TSFM: variants seen among roughly 807,000 people sequenced by gnomAD.
TSFM encodes Ts translation elongation factor, mitochondrial.
In TSFM, 29 loss-of-function variants were observed where a neutral mutation model predicts 33.4. The ratio of observed to expected loss-of-function variants is 0.87; its 90% CI spans 0.65 to 1.18. The LOEUF is 1.18. Ranked by LOEUF, TSFM falls within the 50% of genes most tolerant of loss-of-function variation. TSFM has a pLI of 0.00. For synonymous variants in TSFM, 178 were observed against 163.5 expected (o/e 1.09, Z -0.68); for missense variants, 394 against 395.6 (o/e 1.00, Z 0.04).
downstream of TSFM, chr12:57,801,094 G>A: frequency 1.3e-6 from 2 of 1,491,016 alleles, no homozygotes; most frequent in Non-Finnish European, 1.9e-6. Context: ...GTGTTCTCTG[G>A]CTCTGGTTGC....
In TSFM at chr12:57,796,313, C is replaced by T. The variant is rs2140428965; in HGVS notation, c.708C>T (p.Ala236=). ...AGCTGGTGCTGGGGAAGTATGGGGCCCTGGTCATCTGTGAGACGTCTGAAC... is the reference window on the plus strand; with the variant it reads ...AGCTGGTGCTGGGGAAGTATGGGGCTCTGGTCATCTGTGAGACGTCTGAAC... The part of the protein sequence containing the change: ...LHKLVLGKYG[A]LVICETSEQK... The change falls in exon 6 of 6, where the codon GCC becomes GCT. Residue 236 remains alanine, a synonymous_variant. Transcript: ENST00000652027. 1 of 1,611,564 alleles carries T rather than the reference C, an allele frequency of 6.2e-7. No homozygotes were observed. The highest frequency in any genetic ancestry group is 1.1e-5 in the South Asian group (1 of 90,658).
chr12:57,786,919 T>C (rs1955598202), intron 3 of TSFM, 121 bp from the exon 4 acceptor site: 1 of 1,106,422 alleles, frequency 9.0e-7, no homozygotes, highest in African/African-American at 1.6e-5. Context: ...TTTGGAGTCA[T>C]TTTTTTTCCG....
intron 2 of TSFM, 96 bp from the exon 3 acceptor site, chr12:57,786,058 TGTTAGAGAA>T: frequency 1.5e-6 from 2 of 1,340,868 alleles, no homozygotes; most frequent in Non-Finnish European, 2.0e-6. Flanking sequence ...CTTTAGTTTC[TGTTAGAGAA>T]TTTAGAGAAT....
Position 57,796,501 on chromosome 12 carries a change from A to G in TSFM, c.896A>G (p.Tyr299Cys), listed in dbSNP as rs752297826. 1 of 1,554,924 alleles carries G rather than the reference A, an allele frequency of 6.4e-7. No homozygotes were observed. Among genetic ancestry groups the G allele is most frequent in the East Asian group, 2.3e-5 (1 of 44,314 alleles). ...GATCCCTCCATTACCTTGGGGCAGT[A>G]TGTGCAGCCTCAGGGGGTGTCGGTA... ...LLDPSITLGQ[Y>C]VQPQGVSVVD... The change falls in exon 6 of 6, where the codon TAT (tyrosine) becomes TGT (cysteine). Residue 299 changes from tyrosine to cysteine, a missense_variant. By Grantham distance (194) the Tyr-to-Cys change is radical. Transcript: ENST00000652027.
At chr12:57,793,201 G>GT (rs1431028309) in intron 5 of TSFM, 128 bp downstream of exon 5, 1 of 757,710 alleles carries the variant, frequency 1.3e-6, no homozygotes, top group East Asian at 2.8e-5. Flanking sequence ...GAGAAGTGGT[G>GT]TGTGTGTTAG....
chr12:57,787,620 G>C (rs1955607487), intron 4 of TSFM, among the ~76,000 whole-genome samples: 1 of 152,120 alleles, frequency 6.6e-6, no homozygotes, highest in South Asian at 2.1e-4. Flanking sequence ...ATGGTCTTAG[G>C]AAAGAATTTC....
intron 4 of TSFM, among the ~76,000 whole-genome samples, chr12:57,790,504 T>C (rs1466875887): frequency 2.0e-5 from 3 of 152,224 alleles, no homozygotes; most frequent in Admixed American, 2.0e-4. Flanking sequence ...TATGTACTCA[T>C]ATGTACTAAG....
chr12:57,788,161 CAT>C (rs1185252364), intron 4 of TSFM, among the ~76,000 whole-genome samples: 8 of 151,860 alleles, frequency 5.3e-5, no homozygotes, highest in African/African-American at 1.9e-4. Context: ...ATTACATAGT[CAT>C]ATGGAAAACA....
At chr12:57,785,463 A>C (rs891872792) in intron 2 of TSFM, among the ~76,000 whole-genome samples, 3 of 151,640 alleles carry the variant, frequency 2.0e-5, no homozygotes, top group African/African-American at 7.3e-5. Context: ...TTACTGTTAA[A>C]TTTTTTTATT....
At chr12:57,794,732 A>G (rs751923743) in intron 5 of TSFM, among the ~76,000 whole-genome samples, 6 of 152,188 alleles carry the variant, frequency 3.9e-5, no homozygotes, top group Non-Finnish European at 8.8e-5. Flanking sequence ...TTTGAGTGCT[A>G]TGTGCCAGAT....
chr12:57,787,222 G>A, intron 4 of TSFM, 60 bp downstream of exon 4: 1 of 1,482,314 alleles, frequency 6.7e-7, no homozygotes. Context: ...GTCTTTTGCT[G>A]TTCCTATTGT....
chr12:57,786,275 C>T lies in TSFM; in HGVS notation c.344C>T (p.Thr115Ile), dbSNP rs1565821286. 1 of 1,612,138 alleles carries T rather than the reference C, an allele frequency of 6.2e-7. No homozygotes were observed. Among genetic ancestry groups the T allele is most frequent in the Non-Finnish European group, 8.5e-7 (1 of 1,178,940 alleles). Residue 115 changes from threonine to isoleucine, a missense_variant, in exon 3 of 6, where the codon ACA becomes ATA. Around this residue, in one of 3 missense-constraint regions of TSFM, gnomAD observed 208 missense variants for 180.4 expected, o/e 1.15. Transcript: ENST00000652027. Reference sequence around the variant, plus strand: ...ATTGGGCTGTTGCAGGAAGGAAACACAACTGTATTAGTAGAGGTGAGTTGT... The same window carrying T: ...ATTGGGCTGTTGCAGGAAGGAAACATAACTGTATTAGTAGAGGTGAGTTGT... ...GLIGLLQEGN[T>I]TVLVEVNCET...
downstream of TSFM, chr12:57,800,028 C>T: frequency 7.2e-7 from 1 of 1,393,728 alleles, no homozygotes. Flanking sequence ...CCACTTCACC[C>T]TCTGTAATCA....
intron 4 of TSFM, among the ~76,000 whole-genome samples, chr12:57,790,481 T>C (rs1230699803): frequency 6.6e-6 from 1 of 152,236 alleles, no homozygotes; most frequent in Non-Finnish European, 1.5e-5. Context: ...TCAATATGTT[T>C]ACTGTTTTTA....
chr12:57,789,331 G>T (rs1425510013), intron 4 of TSFM, among the ~76,000 whole-genome samples: 1 of 152,000 alleles, frequency 6.6e-6, no homozygotes, highest in Non-Finnish European at 1.5e-5. Context: ...TATTCCTTCA[G>T]CATGTATCTC....
rs866487614 is a variant in TSFM, at chr12:57,783,854, G to A, written c.231+571G>A. The A allele has an allele frequency of 1.7e-4, 111 of 665,398 alleles. 1 individual carries two copies. The highest frequency in any genetic ancestry group is 8.0e-4 in the South Asian group (48 of 59,898). The allele number at this position is 665,398 out of a possible 1,614,324, so 41.2% of individuals were successfully genotyped here. A position where few individuals can be genotyped will look rare whatever the true frequency, so the allele number is the denominator to read the frequency against. ...TGGTCTCGAACTCCTGGCCTCAGGT[G>A]ATCCGCCCGCCTCGGCTTCCCAGAG... On this transcript the variant is annotated intron_variant, in intron 2 of 5. Coordinates refer to ENST00000652027, the MANE Select transcript of TSFM (RefSeq NM_005726.6).
chr12:57,796,963 T>C lies in TSFM; in HGVS notation c.*380T>C. 1.0e-6 allele frequency: 1 copy of C among 988,536 alleles called. No individual in the cohort carries two copies. The highest frequency in any genetic ancestry group is 4.7e-5 in the South Asian group (1 of 21,324). 61.2% of individuals were successfully genotyped at this position (988,536 alleles called of 1,614,324 possible). A position where few individuals can be genotyped will look rare whatever the true frequency, so the allele number is the denominator to read the frequency against. ...CGACACTGTGAACCGTGCTTCTGCC[T>C]CGGAACCTCCCTAGTTATATTACTT... On this transcript the variant is annotated 3_prime_UTR_variant, in exon 6 of 6. Coordinates refer to ENST00000652027, the MANE Select transcript of TSFM (RefSeq NM_005726.6).
intron 5 of TSFM, among the ~76,000 whole-genome samples, chr12:57,795,201 C>G (rs1448335377): frequency 6.6e-6 from 1 of 151,372 alleles, no homozygotes; most frequent in Non-Finnish European, 1.5e-5. Context: ...CAGGTTCAAG[C>G]AATTCCTCTG....
chr12:57,795,119 G>C (rs1365128498), intron 5 of TSFM, among the ~76,000 whole-genome samples: 1 of 141,992 alleles, frequency 7.0e-6, no homozygotes, highest in East Asian at 2.1e-4. Flanking sequence ...TTTTTTTTGA[G>C]ATGGAGTTTT....
Sources: allele counts gnomAD v4.1 joint callset (sites outside exome capture counted in the v4.1 genomes callset), GRCh38; gene constraint gnomAD v4.1.1; regional missense constraint gnomAD v4.1.1; transcripts MANE v1.5; gene names NCBI Gene and HGNC (gene_info 2026-07-23, HGNC 2026-07-21).